The following ARFIP1 variants were observed in gnomAD, a reference collection of about 807,000 sequenced individuals.
The protein encoded by ARFIP1 is ARF interacting protein 1.
In ARFIP1, 24 loss-of-function variants were observed where a neutral mutation model predicts 42.5. That is an observed-to-expected ratio of 0.57 (90% CI 0.41 to 0.80). The LOEUF (loss-of-function observed/expected upper bound fraction) is 0.80. ARFIP1 is among the 30% of genes least tolerant of loss of function. The probability of loss-of-function intolerance (pLI) is 0.00; values close to 1 mark genes in which losing one functional copy is unlikely to be tolerated. For missense variants in ARFIP1, 354 were observed against 434.0 expected, an observed-to-expected ratio of 0.82 and a Z score of 1.64; for synonymous variants, 141 against 153.7, an observed-to-expected ratio of 0.92 and a Z score of 0.61.
Position 152,826,522 on chromosome 4 carries a change from A to G in ARFIP1, c.-9-3103A>G, listed in dbSNP as rs56241748. Among the ~76,000 whole-genome samples the G allele has an allele frequency of 4.3e-3, 652 of 152,240 alleles. 4 individuals are homozygous for G. The highest frequency in any genetic ancestry group is 0.015 in the African/African-American group (610 of 41,526). On this transcript the variant is annotated intron_variant, in intron 1 of 8. Transcript: ENST00000353617. ...GATAAAAAACTACCTATAGGGTACA[A>G]TGTACACTACCGGGGTGACGGGTGA... is the stretch of plus-strand genomic sequence containing the variant.
chr4:152,850,758 TAG>T (rs1732915345), intron 2 of ARFIP1: 1 of 152,200 alleles, frequency 6.6e-6, no homozygotes, highest in African/African-American at 2.4e-5. Context: ...GAAGTACCAA[TAG>T]AGAGTTTAGA....
intron 1 of ARFIP1, among the ~76,000 whole-genome samples, chr4:152,811,017 G>A (rs1056886380): frequency 1.3e-5 from 2 of 151,038 alleles, no homozygotes; most frequent in East Asian, 1.9e-4. Flanking sequence ...GGTCACGTTC[G>A]AAGCTTGAAA....
intron 8 of ARFIP1, among the ~76,000 whole-genome samples, chr4:152,896,067 G>A (rs1017556665): frequency 3.9e-5 from 6 of 152,230 alleles, no homozygotes; most frequent in African/African-American, 1.4e-4. Flanking sequence ...TGTTGCGGGG[G>A]AGGGGCTGGG....
chr4:152,888,039 A>G lies in ARFIP1; in HGVS notation c.792-94A>G, dbSNP rs1182007200. ...GTGAGAATTTTATATATTTTATTGT[A>G]TAGTATGAGACTGAATATTACGTAT... On this transcript the variant is annotated intron_variant, in intron 7 of 8. Transcript: ENST00000353617. The G allele has an allele frequency of 6.0e-6, 5 of 839,162 alleles. No homozygotes were observed. The South Asian group carries it at 7.9e-5, about 13-fold the overall frequency. 52.0% of individuals were successfully genotyped at this position (839,162 alleles called of 1,614,324 possible). A position where few individuals can be genotyped will look rare whatever the true frequency, so the allele number is the denominator to read the frequency against.
intron 1 of ARFIP1, among the ~76,000 whole-genome samples, chr4:152,826,966 G>A (rs139238154): frequency 1.2e-3 from 188 of 152,254 alleles, no homozygotes; most frequent in African/African-American, 4.3e-3. Context: ...CTTACCTAGA[G>A]TAGTCAAATT....
chr4:152,790,728 CTTTTTTT>C (rs781615063), intron 1 of ARFIP1, among the ~76,000 whole-genome samples: 2 of 106,082 alleles, frequency 1.9e-5, no homozygotes, highest in African/African-American at 7.6e-5. Context: ...ATGTGTTTAT[CTTTTTTT>C]TTTTTTTTTT....
At chr4:152,908,353 C>T (rs994429529) in intron 8 of ARFIP1, among the ~76,000 whole-genome samples, 4 of 152,150 alleles carry the variant, frequency 2.6e-5, no homozygotes, top group African/African-American at 7.2e-5. Flanking sequence ...AGGCCGGGCA[C>T]GGTGACTCAC....
chr4:152,813,437 T>C (rs1361827420), intron 1 of ARFIP1, among the ~76,000 whole-genome samples: 1 of 152,174 alleles, frequency 6.6e-6, no homozygotes, highest in African/African-American at 2.4e-5. Context: ...CTCTGCGTTT[T>C]TCCTCTCCTC....
rs1731227462 is a variant in ARFIP1, at chr4:152,831,366, A to G, written c.93+1640A>G. The stretch of plus-strand genomic sequence containing the variant: ...AATCTGATGAAAGCTGAGGACCTTT[A>G]TCCAAGAGTAATGCAATACATAGAA... On this transcript the variant is annotated intron_variant, in intron 2 of 8. Transcript: ENST00000353617. Among the ~76,000 whole-genome samples, 6 of 152,346 alleles carry G rather than the reference A, an allele frequency of 3.9e-5. No individual in the cohort carries two copies. The South Asian group carries it at 1.2e-3, about 32-fold the overall frequency.
At chr4:152,889,856 CTATATATACTA>C (rs901583198) in intron 8 of ARFIP1, among the ~76,000 whole-genome samples, 5 of 120,614 alleles carry the variant, frequency 4.1e-5, no homozygotes, top group African/African-American at 1.3e-4. Context: ...ACTATATATA[CTATATATACTA>C]TATATATACT....
intron 2 of ARFIP1, among the ~76,000 whole-genome samples, chr4:152,855,595 T>C (rs1048238902): frequency 3.3e-5 from 5 of 152,232 alleles, no homozygotes; most frequent in African/African-American, 1.2e-4. Flanking sequence ...TCTCTTGTTT[T>C]TCAGGACAGT....
Position 152,909,467 on chromosome 4 carries a change from AAGAC to A in ARFIP1, c.967-596_967-593del, listed in dbSNP as rs1738663848. Among the ~76,000 whole-genome samples the A allele has an allele frequency of 5.9e-5, 9 of 152,322 alleles. No individual in the cohort carries two copies. In the South Asian group the frequency reaches 1.9e-3, roughly 32 times the overall value. On this transcript the variant is annotated intron_variant, in intron 8 of 8. Coordinates refer to ENST00000353617, the MANE Select transcript of ARFIP1 (RefSeq NM_001025595.3). ...TGATGCATTGTTTATTTCTTTAAGA[AAGAC>A]TTATAGAGGTAGTATGACTTGGTTA... is the stretch of plus-strand genomic sequence containing the variant.
At chr4:152,868,995 G>C (rs909199744) in intron 3 of ARFIP1, among the ~76,000 whole-genome samples, 1 of 151,982 alleles carries the variant, frequency 6.6e-6, no homozygotes, top group African/African-American at 2.4e-5. Context: ...CATCCCTTCT[G>C]GTTTTAAATT....
chr4:152,787,775 G>T lies in ARFIP1; in HGVS notation c.-10+7549G>T, dbSNP rs149489590. Among the ~76,000 whole-genome samples, 487 of 152,162 alleles carry T rather than the reference G, an allele frequency of 3.2e-3. 2 individuals are homozygous for T. The highest frequency in any genetic ancestry group is 0.01 in the Middle Eastern group (3 of 294). ...TAAATGAATTTTGTGTTTACACTTG[G>T]GTCCCTTCCTGAAGATACCTCATTA... On this transcript the variant is annotated intron_variant, in intron 1 of 8. Coordinates refer to ENST00000353617, the MANE Select transcript of ARFIP1 (RefSeq NM_001025595.3).
chr4:152,840,691 TATCC>T (rs996539726), intron 2 of ARFIP1, among the ~76,000 whole-genome samples: 8 of 151,840 alleles, frequency 5.3e-5, no homozygotes, highest in Non-Finnish European at 1.2e-4. Flanking sequence ...GATGAGTTCT[TATCC>T]ATTCTGTGGC....
At chr4:152,831,636 A>T (rs535743243) in intron 2 of ARFIP1, among the ~76,000 whole-genome samples, 1 of 152,298 alleles carries the variant, frequency 6.6e-6, no homozygotes, top group East Asian at 1.9e-4. Flanking sequence ...CTCTATAATC[A>T]TAAATTGCTT....
intron 8 of ARFIP1, among the ~76,000 whole-genome samples, chr4:152,895,007 AGAGCCAGTTTGAC>A (rs1427386165): frequency 1.3e-5 from 2 of 152,266 alleles, no homozygotes; most frequent in African/African-American, 4.8e-5. Flanking sequence ...GAATGTAACT[AGAGCCAGTTTGAC>A]CAGAGCATAG....
chr4:152,835,541 G>A (rs940810769), intron 2 of ARFIP1, among the ~76,000 whole-genome samples: 1 of 152,078 alleles, frequency 6.6e-6, no homozygotes, highest in African/African-American at 2.4e-5. Context: ...CAGCATTTTG[G>A]TCACAACCAT....
intron 1 of ARFIP1, among the ~76,000 whole-genome samples, chr4:152,802,622 GTT>G (rs10582862): frequency 0.32 from 49,138 of 151,962 alleles, 8,244 homozygotes; most frequent in Middle Eastern, 0.4. Flanking sequence ...ATGTAAATGT[GTT>G]TTAGAAAATA....
Sources: allele counts gnomAD v4.1 joint callset (sites outside exome capture counted in the v4.1 genomes callset), GRCh38; gene constraint gnomAD v4.1.1; transcripts MANE v1.5; gene names NCBI Gene and HGNC (gene_info 2026-07-23, HGNC 2026-07-21).